AGBL4: variants seen among roughly 807,000 people sequenced by gnomAD.
AGBL4 encodes the protein cytosolic carboxypeptidase 6.
AGBL4 carries 58 observed loss-of-function variants against 66.4 expected under a neutral mutation model. The ratio of observed to expected loss-of-function variants is 0.87; its 90% CI spans 0.71 to 1.09. AGBL4 has a LOEUF of 1.09. Among genes scored for constraint, AGBL4 ranks in the 50% least tolerant of loss-of-function variants. The pLI is 0.00. For missense variants in AGBL4, 579 were observed against 631.0 expected, an observed-to-expected ratio of 0.92 and a Z score of 0.88; for synonymous variants, 234 against 222.9, an observed-to-expected ratio of 1.05 and a Z score of -0.44.
chr1:49,358,441 G>A (rs910912847), intron 3 of AGBL4, among the ~76,000 whole-genome samples: 3 of 152,008 alleles, frequency 2.0e-5, no homozygotes, highest in African/African-American at 7.2e-5. Context: ...AGTTGGTCTG[G>A]TGAGTAACTC....
rs116004672 is a variant in AGBL4, at chr1:49,648,294, A to G, written c.282+49019T>C. On this transcript the variant is annotated intron_variant, in intron 3 of 13. Transcript: ENST00000371839. Reference sequence around the variant, plus strand: ...CTTCTGATCTTCAGAATATCTCAATAGATACCTCAAAAATGGAAAAGCAAA... The same window carrying G: ...CTTCTGATCTTCAGAATATCTCAATGGATACCTCAAAAATGGAAAAGCAAA... 2.2e-3 allele frequency among the ~76,000 whole-genome samples: 342 copies of G among 152,084 alleles called. 3 individuals are homozygous for G. The highest frequency in any genetic ancestry group is 3.9e-3 in the Non-Finnish European group (264 of 67,940).
intron 4 of AGBL4, among the ~76,000 whole-genome samples, chr1:49,207,468 C>CTCTTTCTTTCTTTT (rs1290251113): frequency 1.5e-4 from 2 of 13,678 alleles, no homozygotes; most frequent in African/African-American, 1.8e-4. Context: ...TTCTTTCTTT[C>CTCTTTCTTTCTTTT]TCTTTCTTTC....
intron 3 of AGBL4, among the ~76,000 whole-genome samples, chr1:49,669,644 G>A (rs1646438067): frequency 6.6e-6 from 1 of 152,212 alleles, no homozygotes; most frequent in South Asian, 2.1e-4. Context: ...GATAGAAAGG[G>A]AAAGAAGGGA....
At chr1:49,790,678 A>C (rs561130605) in intron 2 of AGBL4, among the ~76,000 whole-genome samples, 1 of 152,320 alleles carries the variant, frequency 6.6e-6, no homozygotes, top group East Asian at 1.9e-4. Context: ...CTTTAAAACA[A>C]GAGTGAAATG....
chr1:49,584,303 C>T (rs1009381482), intron 3 of AGBL4, among the ~76,000 whole-genome samples: 1 of 152,110 alleles, frequency 6.6e-6, no homozygotes, highest in Non-Finnish European at 1.5e-5. Context: ...CAAGATTATT[C>T]CAAATAATTT....
At chr1:48,869,210 T>C (rs976615634) in intron 5 of AGBL4, among the ~76,000 whole-genome samples, 1 of 151,740 alleles carries the variant, frequency 6.6e-6, no homozygotes, top group African/African-American at 2.4e-5. Context: ...AAGCAAACAA[T>C]GCAACTCTAA....
intron 1 of AGBL4, among the ~76,000 whole-genome samples, chr1:49,890,509 T>A (rs1042082541): frequency 1.3e-5 from 2 of 152,150 alleles, no homozygotes; most frequent in Non-Finnish European, 2.9e-5. Flanking sequence ...TATATTCTGG[T>A]TGGAGAGATA....
chr1:49,794,607 ATC>A (rs771098984), intron 2 of AGBL4, among the ~76,000 whole-genome samples: 44 of 152,038 alleles, frequency 2.9e-4, no homozygotes, highest in African/African-American at 7.9e-4. Context: ...ATTTTTACAC[ATC>A]TCTGTTATAA....
At chr1:49,884,449 T>C (rs936166883) in intron 1 of AGBL4, among the ~76,000 whole-genome samples, 20 of 151,816 alleles carry the variant, frequency 1.3e-4, no homozygotes, top group Non-Finnish European at 8.9e-5. Flanking sequence ...GAATAAAAGA[T>C]TCAGTTCTAT....
intron 1 of AGBL4, among the ~76,000 whole-genome samples, chr1:49,887,675 G>A (rs1648209655): frequency 1.3e-5 from 2 of 152,054 alleles, no homozygotes; most frequent in Admixed American, 1.3e-4. Context: ...AATAAAACTG[G>A]ACAGCAAATG....
chr1:49,096,216 T>C (rs1185066419), intron 4 of AGBL4, among the ~76,000 whole-genome samples: 1 of 151,870 alleles, frequency 6.6e-6, no homozygotes, highest in African/African-American at 2.4e-5. Context: ...TGTGGAGAAA[T>C]AGGAACACTT....
chr1:49,354,260 C>T (rs1643971890), intron 3 of AGBL4, among the ~76,000 whole-genome samples: 2 of 152,200 alleles, frequency 1.3e-5, no homozygotes. Flanking sequence ...TCGCACATCC[C>T]ATGAGGGAGT....
intron 7 of AGBL4, among the ~76,000 whole-genome samples, chr1:48,658,389 AGTTT>A: frequency 1.3e-5 from 2 of 152,218 alleles, no homozygotes; most frequent in Non-Finnish European, 2.9e-5. Flanking sequence ...GAAGCAAGAC[AGTTT>A]GAGGTCTCTG....
intron 5 of AGBL4, among the ~76,000 whole-genome samples, chr1:48,908,665 A>G (rs1652830587): frequency 6.6e-6 from 1 of 152,136 alleles, no homozygotes; most frequent in South Asian, 2.1e-4. Flanking sequence ...TCCATTGAAC[A>G]GTGGAGAAAA....
intron 3 of AGBL4, among the ~76,000 whole-genome samples, chr1:49,500,709 G>C (rs1648069158): frequency 6.6e-6 from 1 of 151,774 alleles, no homozygotes; most frequent in African/African-American, 2.4e-5. Flanking sequence ...TTTATTTCTG[G>C]GTTCTCTATT....
At chr1:49,269,860 C>T (rs868595942) in intron 3 of AGBL4, among the ~76,000 whole-genome samples, 3 of 152,112 alleles carry the variant, frequency 2.0e-5, no homozygotes, top group African/African-American at 7.2e-5. Flanking sequence ...TTCAAAGAAG[C>T]TTTAGAGAGT....
chr1:49,911,234 G>C (rs1021507293), intron 1 of AGBL4, among the ~76,000 whole-genome samples: 1 of 152,030 alleles, frequency 6.6e-6, no homozygotes, highest in Admixed American at 6.6e-5. Flanking sequence ...TAATGAGCTG[G>C]ACTCGCGAGC....
intron 6 of AGBL4, among the ~76,000 whole-genome samples, chr1:48,717,842 G>A (rs932027401): frequency 6.6e-6 from 1 of 152,082 alleles, no homozygotes; most frequent in Non-Finnish European, 1.5e-5. Context: ...TGTGACACTG[G>A]GCAAATAATC....
chr1:49,965,713 G>C (rs1350814514), intron 1 of AGBL4, among the ~76,000 whole-genome samples: 1 of 152,136 alleles, frequency 6.6e-6, no homozygotes, highest in Admixed American at 6.5e-5. Flanking sequence ...CTATAGGAAA[G>C]ACTGCACATT....
Sources: gnomAD v4.1 joint callset for allele counts (sites outside exome capture counted in the v4.1 genomes callset) on GRCh38, gnomAD v4.1.1 for gene constraint, MANE v1.5 for transcripts, NCBI Gene and HGNC (gene_info 2026-07-23, HGNC 2026-07-21) for gene names.